The following FOXN3 variants were observed in gnomAD, a reference collection of about 807,000 sequenced individuals.
FOXN3 encodes the protein forkhead box protein N3.
Under a neutral mutation model 38.4 loss-of-function variants are expected in FOXN3, and 7 were observed. The ratio of observed to expected loss-of-function variants is 0.18; its 90% CI spans 0.10 to 0.34. The LOEUF (loss-of-function observed/expected upper bound fraction) is 0.34, where lower values mean the gene tolerates loss of function less well. FOXN3 is among the 10% of genes least tolerant of loss of function. The pLI is 1.00. For synonymous variants in FOXN3, 230 were observed against 242.2 expected (o/e 0.95, Z 0.47); for missense variants, 456 against 613.4 (o/e 0.74, Z 2.71).
intron 3 of FOXN3, among the ~76,000 whole-genome samples, chr14:89,294,583 G>A (rs955640595): frequency 6.6e-6 from 1 of 152,166 alleles, no homozygotes; most frequent in Non-Finnish European, 1.5e-5. Context: ...GGCACAAGAT[G>A]CAGGTCACAA....
intron 4 of FOXN3, among the ~76,000 whole-genome samples, chr14:89,237,036 C>T (rs115591969): frequency 2.2e-4 from 33 of 152,286 alleles, no homozygotes; most frequent in African/African-American, 7.2e-4. Context: ...GTTTCAGGCC[C>T]CCCTCTGACA....
chr14:89,205,137 G>A (rs1274706783), intron 4 of FOXN3, among the ~76,000 whole-genome samples: 1 of 150,452 alleles, frequency 6.6e-6, no homozygotes, highest in African/African-American at 2.5e-5. Context: ...CTTCTTTTTT[G>A]AATGTGTTTG....
chr14:89,538,989 G>A (rs189864287), intron 1 of FOXN3, among the ~76,000 whole-genome samples: 357 of 151,692 alleles, frequency 2.4e-3, no homozygotes, highest in Non-Finnish European at 4.0e-3. Flanking sequence ...GATTATAGGC[G>A]CCCGCCACCA....
At chr14:89,434,081 GC>G (rs940505951) in intron 1 of FOXN3, among the ~76,000 whole-genome samples, 6 of 134,734 alleles carry the variant, frequency 4.5e-5, no homozygotes, top group Non-Finnish European at 8.0e-5. Flanking sequence ...CTGCCACTAC[GC>G]CCGGCTAATT....
chr14:89,479,788 G>A (rs1893285551), intron 1 of FOXN3, among the ~76,000 whole-genome samples: 1 of 152,136 alleles, frequency 6.6e-6, no homozygotes, highest in Admixed American at 6.5e-5. Flanking sequence ...GGATCCAAAA[G>A]CTCTCTCTGA....
intron 1 of FOXN3, among the ~76,000 whole-genome samples, chr14:89,460,880 TAGTC>T (rs754527117): frequency 3.4e-5 from 5 of 147,198 alleles, no homozygotes; most frequent in African/African-American, 1.3e-4. Context: ...AATACAAAAT[TAGTC>T]AGGCATGGTG....
At chr14:89,166,317 C>T (rs1210084721) in intron 5 of FOXN3, among the ~76,000 whole-genome samples, 1 of 151,968 alleles carries the variant, frequency 6.6e-6, no homozygotes, top group Admixed American at 6.6e-5. Context: ...TAAAGAGATC[C>T]CATGGATTAA....
rs1403780615 is a variant in FOXN3 at position 89,162,384 on chromosome 14, G to GT, written c.*29dup. The GT allele has an allele frequency of 2.0e-6, 3 of 1,498,002 alleles. No homozygotes were observed. The highest frequency in any genetic ancestry group is 2.7e-6 in the Non-Finnish European group (3 of 1,120,162). The allele number at this position is 1,498,002 out of a possible 1,614,324, so 92.8% of individuals were successfully genotyped here. A position where few individuals can be genotyped will look rare whatever the true frequency, so the allele number is the denominator to read the frequency against. On this transcript the variant is annotated 3_prime_UTR_variant, in exon 6 of 6. Transcript: ENST00000557258. This position sits in a 1 kb window ranked among gnomAD's most constrained non-coding sequence, Gnocchi z 7.2. The stretch of plus-strand genomic sequence containing the variant: ...CCTGACATGCTGAAACCAAATGGTC[G>GT]TAAGTTCAAAACAAATCAGTGACTT...
chr14:89,563,068 C>G lies in FOXN3; in HGVS notation c.-15+55960G>C, dbSNP rs149012490. 7.6e-3 allele frequency among the ~76,000 whole-genome samples: 1,163 copies of G among 152,310 alleles called. 18 individuals are homozygous for G. The highest frequency in any genetic ancestry group is 0.027 in the African/African-American group (1,125 of 41,578). On this transcript the variant is annotated intron_variant, in intron 1 of 6. Transcript: ENST00000345097. ...CAAGCAGCTAGTATCAGGTTCTATC[C>G]TGTACATCGAAGAGATGCCAAAACA...
At chr14:89,473,065 C>G (rs1235947241) in intron 1 of FOXN3, among the ~76,000 whole-genome samples, 1 of 151,806 alleles carries the variant, frequency 6.6e-6, no homozygotes, top group Non-Finnish European at 1.5e-5. Context: ...CGCTCTGTCA[C>G]CCAGGCTGGA....
rs140917697 is a variant in FOXN3 at position 89,602,237 on chromosome 14, C to A, written c.-15+16791G>T. The stretch of plus-strand genomic sequence containing the variant: ...TTGAGAGGTAGAGGTTGCGGTAAGC[C>A]GAGATCACACCACTGCACTCCAGCC... On this transcript the variant is annotated intron_variant, in intron 1 of 6. Coordinates refer to the FOXN3 transcript ENST00000345097. Among the ~76,000 whole-genome samples the A allele has an allele frequency of 8.6e-3, 1,291 of 150,154 alleles. 12 individuals are homozygous for A. Among genetic ancestry groups the A allele is most frequent in the African/African-American group, 0.03 (1,213 of 40,788 alleles).
Position 89,430,635 on chromosome 14 carries a change from CAT to C in FOXN3, c.-14-18147_-14-18146del, listed in dbSNP as rs576346961. 3.4e-4 allele frequency among the ~76,000 whole-genome samples: 52 copies of C among 152,290 alleles called. 1 individual carries two copies. The East Asian group carries it at 9.8e-3, about 29-fold the overall frequency. On this transcript the variant is annotated intron_variant, in intron 1 of 6. Coordinates refer to the FOXN3 transcript ENST00000345097. The stretch of plus-strand genomic sequence containing the variant: ...TTAATCTTAGTATCTATTTTGAAGA[CAT>C]CGCGAGAGTTAAGAGTCTCAAATCT...
chr14:89,212,628 G>A (rs905849595), intron 4 of FOXN3, among the ~76,000 whole-genome samples: 1 of 152,140 alleles, frequency 6.6e-6, no homozygotes, highest in African/African-American at 2.4e-5. Context: ...TTAGGATTCT[G>A]GAAATCATTT....
At chr14:89,613,258 T>C (rs1174457610) in intron 1 of FOXN3, among the ~76,000 whole-genome samples, 2 of 152,044 alleles carry the variant, frequency 1.3e-5, no homozygotes, top group Non-Finnish European at 2.9e-5. Flanking sequence ...GCGAAGGTAC[T>C]AGGCACACAT....
Position 89,224,677 on chromosome 14 carries a change from G to C in FOXN3, c.746-43871C>G, listed in dbSNP as rs907398141. On this transcript the variant is annotated intron_variant, in intron 4 of 5. Transcript: ENST00000557258. The stretch of plus-strand genomic sequence containing the variant: ...ATAACTGCTACATTAGAAAACGGGT[G>C]ACAATCAACTAAGGAAGACAAAATG... 5.9e-5 allele frequency among the ~76,000 whole-genome samples: 9 copies of C among 152,264 alleles called. 1 individual carries two copies. In the Middle Eastern group the frequency reaches 0.01, roughly 173 times the overall value.
At chr14:89,324,310 G>A (rs1415562091) in intron 3 of FOXN3, among the ~76,000 whole-genome samples, 2 of 152,104 alleles carry the variant, frequency 1.3e-5, no homozygotes, top group Non-Finnish European at 2.9e-5. Context: ...CAGGGAGGTG[G>A]GGGGACATTT....
chr14:89,193,593 C>T (rs538206993), intron 4 of FOXN3, among the ~76,000 whole-genome samples: 1 of 152,062 alleles, frequency 6.6e-6, no homozygotes, highest in African/African-American at 2.4e-5. Context: ...TTATGGCTAT[C>T]GCTGAGTGGT....
At chr14:89,545,333 G>T (rs1186122963) in intron 1 of FOXN3, among the ~76,000 whole-genome samples, 5 of 152,218 alleles carry the variant, frequency 3.3e-5, no homozygotes, top group Non-Finnish European at 7.3e-5. Context: ...GGCCACCAGA[G>T]GAGAGACTGA....
In FOXN3 at chr14:89,260,322, G is replaced by C. The variant is rs180844449; in HGVS notation, c.745+20628C>G. Among the ~76,000 whole-genome samples, 481 of 152,314 alleles carry C rather than the reference G, an allele frequency of 3.2e-3. 8 individuals are homozygous for C. Among genetic ancestry groups the C allele is most frequent in the Admixed American group, 0.027 (419 of 15,306 alleles). ...TTTCTGTACGGGGATCTGCTCTCCCGGGCACGAAGCTGAGATCACTCCCGG... is the reference window on the plus strand; with the variant it reads ...TTTCTGTACGGGGATCTGCTCTCCCCGGCACGAAGCTGAGATCACTCCCGG... On this transcript the variant is annotated intron_variant, in intron 4 of 5. Coordinates refer to ENST00000557258, the MANE Select transcript of FOXN3 (RefSeq NM_005197.4).
Sources: allele counts gnomAD v4.1 joint callset (sites outside exome capture counted in the v4.1 genomes callset), GRCh38; gene constraint gnomAD v4.1.1; non-coding constraint Gnocchi (gnomAD v3.1); transcripts MANE v1.5; gene names NCBI Gene and HGNC (gene_info 2026-07-23, HGNC 2026-07-21).